The following LRMDA variants were observed in gnomAD, a reference collection of about 807,000 sequenced individuals.
LRMDA encodes leucine rich melanocyte differentiation associated, also known as leucine-rich melanocyte differentiation-associated protein.
Under a neutral mutation model 29.8 loss-of-function variants are expected in LRMDA, and 18 were observed. The observed-to-expected ratio is 0.60, with a 90% CI of 0.42 to 0.90. The LOEUF is 0.90. Among genes scored for constraint, LRMDA ranks in the 40% least tolerant of loss-of-function variants. LRMDA has a pLI of 0.00. For missense variants in LRMDA, 273 were observed against 273.9 expected, an observed-to-expected ratio of 1.00 and a Z score of 0.02; for synonymous variants, 125 against 109.4, an observed-to-expected ratio of 1.14 and a Z score of -0.89.
At chr10:75,971,030 C>T (rs1187394511) in intron 2 of LRMDA, among the ~76,000 whole-genome samples, 3 of 152,134 alleles carry the variant, frequency 2.0e-5, no homozygotes, top group African/African-American at 7.2e-5. Flanking sequence ...GAGCCCTCCT[C>T]AGTGACAGTA....
chr10:75,735,130 C>T (rs900901060), intron 2 of LRMDA, among the ~76,000 whole-genome samples: 1 of 152,228 alleles, frequency 6.6e-6, no homozygotes, highest in African/African-American at 2.4e-5. Context: ...CAGTAGCAGG[C>T]ACTCAATAAA....
chr10:76,336,150 CA>C (rs2132413260), intron 6 of LRMDA, among the ~76,000 whole-genome samples: 1 of 151,324 alleles, frequency 6.6e-6, no homozygotes, highest in Non-Finnish European at 1.5e-5. Context: ...AGGACATGCT[CA>C]TCTCTCTTTG....
At chr10:75,615,938 G>A (rs990011469) in intron 2 of LRMDA, among the ~76,000 whole-genome samples, 3 of 152,124 alleles carry the variant, frequency 2.0e-5, no homozygotes, top group African/African-American at 7.2e-5. Flanking sequence ...GTTGGCTATC[G>A]ATTTATGACT....
intron 6 of LRMDA, among the ~76,000 whole-genome samples, chr10:76,523,591 G>A (rs1382015899): frequency 6.6e-6 from 1 of 152,056 alleles, no homozygotes; most frequent in East Asian, 1.9e-4. Context: ...CAGCCTTTTA[G>A]GAGATATTAG....
intron 2 of LRMDA, among the ~76,000 whole-genome samples, chr10:75,510,529 A>G (rs1845214024): frequency 6.6e-6 from 1 of 152,236 alleles, no homozygotes; most frequent in African/African-American, 2.4e-5. Flanking sequence ...TTTCTAACAC[A>G]TGAGGGTATG....
At chr10:75,945,950 G>T (rs554182033) in intron 2 of LRMDA, among the ~76,000 whole-genome samples, 1 of 152,254 alleles carries the variant, frequency 6.6e-6, no homozygotes, top group Admixed American at 6.5e-5. Flanking sequence ...TAGAACTAAG[G>T]TTTCTGACTT....
chr10:75,601,373 AC>A (rs1334889786), intron 2 of LRMDA: 4 of 152,222 alleles, frequency 2.6e-5, no homozygotes, highest in African/African-American at 9.6e-5. Context: ...AGTTAATTTG[AC>A]CCCTTGGGAA....
intron 5 of LRMDA, among the ~76,000 whole-genome samples, chr10:76,293,851 C>T (rs1840380052): frequency 6.6e-6 from 1 of 152,220 alleles, no homozygotes; most frequent in Non-Finnish European, 1.5e-5. Context: ...TCTGTTTACT[C>T]TCTGGTTTGT....
intron 6 of LRMDA, among the ~76,000 whole-genome samples, chr10:76,384,876 G>A (rs1462094030): frequency 1.3e-5 from 2 of 152,136 alleles, no homozygotes; most frequent in Admixed American, 6.6e-5. Context: ...GTAGTATAGG[G>A]AACATAATAG....
chr10:75,878,769 G>C (rs990828832), intron 2 of LRMDA, among the ~76,000 whole-genome samples: 2 of 152,096 alleles, frequency 1.3e-5, no homozygotes. Flanking sequence ...TATCAAAGAC[G>C]GTACCAGGAG....
chr10:76,386,110 A>T (rs7476758), intron 6 of LRMDA, among the ~76,000 whole-genome samples: 51,240 of 152,064 alleles, frequency 0.34, 12,582 homozygotes, highest in African/African-American at 0.69. Flanking sequence ...GAATGATTTT[A>T]TCAACTTGAC....
intron 5 of LRMDA, among the ~76,000 whole-genome samples, chr10:76,213,382 C>T (rs1267282240): frequency 2.0e-5 from 3 of 152,196 alleles, no homozygotes; most frequent in African/African-American, 7.2e-5. Flanking sequence ...GAACATGTAT[C>T]ATTTGAGAAG....
chr10:76,364,904 G>A (rs745486829), intron 6 of LRMDA, among the ~76,000 whole-genome samples: 4 of 151,180 alleles, frequency 2.6e-5, no homozygotes, highest in Non-Finnish European at 4.4e-5. Context: ...TTATACCTTT[G>A]CATCTTCATA....
intron 6 of LRMDA, among the ~76,000 whole-genome samples, chr10:76,552,236 T>C (rs1843504956): frequency 6.6e-6 from 1 of 152,242 alleles, no homozygotes; most frequent in African/African-American, 2.4e-5. Flanking sequence ...CCACTTGCTT[T>C]GATGGCTGGG....
intron 4 of LRMDA, among the ~76,000 whole-genome samples, chr10:76,051,051 T>C (rs575538118): frequency 8.5e-5 from 13 of 152,224 alleles, no homozygotes; most frequent in Non-Finnish European, 1.3e-4. Context: ...ACACCCTTTC[T>C]TTGTTCCCCT....
rs547304812 is a variant in LRMDA at position 76,427,462 on chromosome 10, A to C, written c.601+102977A>C. On this transcript the variant is annotated intron_variant, in intron 6 of 6. Transcript: ENST00000611255. ...TTTTGCACATTGATTTTGTATCTTG[A>C]GACTTTGCTGAAGTTGCTTATCAGC... Among the ~76,000 whole-genome samples the C allele has an allele frequency of 9.8e-5, 15 of 152,300 alleles. No homozygotes were observed. The South Asian group carries it at 2.3e-3, about 23-fold the overall frequency.
At chr10:75,432,307 G>A (rs772840882) in intron 1 of LRMDA, among the ~76,000 whole-genome samples, 1 of 152,212 alleles carries the variant, frequency 6.6e-6, no homozygotes, top group Non-Finnish European at 1.5e-5. Context: ...AATGGGCTAC[G>A]CCATAGCCAA....
intron 2 of LRMDA, among the ~76,000 whole-genome samples, chr10:75,696,565 C>T (rs1413166846): frequency 2.0e-5 from 3 of 152,110 alleles, no homozygotes; most frequent in Non-Finnish European, 4.4e-5. Flanking sequence ...TTAGCTTTAG[C>T]GGTACATGAT....
At chr10:76,000,825 G>T (rs4746343) in intron 2 of LRMDA, among the ~76,000 whole-genome samples, 11,882 of 152,176 alleles carry the variant, frequency 0.078, 533 homozygotes, top group South Asian at 0.18. Context: ...AAGTTGATGT[G>T]AATAGGCAGG....
Sources: gnomAD v4.1 joint callset for allele counts (sites outside exome capture counted in the v4.1 genomes callset) on GRCh38, gnomAD v4.1.1 for gene constraint, MANE v1.5 for transcripts, NCBI Gene and HGNC (gene_info 2026-07-23, HGNC 2026-07-21) for gene names.